The following DIAPH2 variants were observed in gnomAD, a reference collection of about 807,000 sequenced individuals.
DIAPH2 encodes diaphanous related formin 2, also known as protein diaphanous homolog 2.
In DIAPH2, 35 loss-of-function variants were observed where a neutral mutation model predicts 92.7. That is an observed-to-expected ratio of 0.38 (90% CI 0.29 to 0.50). The LOEUF is 0.50. DIAPH2 is among the 20% of genes least tolerant of loss of function. The pLI, the probability that DIAPH2 is intolerant of heterozygous loss-of-function variation, is 0.94. For synonymous variants in DIAPH2, 301 were observed against 280.4 expected (o/e 1.07, Z -0.73); for missense variants, 701 against 819.5 (o/e 0.86, Z 1.77).
intron 23 of DIAPH2, among the ~76,000 whole-genome samples, chrX:97,325,723 G>A (rs1332245151): frequency 2.7e-5 from 3 of 110,302 alleles, no homozygotes; most frequent in African/African-American, 6.6e-5. Context: ...GACTACAGGC[G>A]CCCGCCACCG....
At chrX:96,715,078 G>C (rs2063941860) in intron 1 of DIAPH2, among the ~76,000 whole-genome samples, 1 of 112,049 alleles carries the variant, frequency 8.9e-6, no homozygotes, top group African/African-American at 3.2e-5. Context: ...GACATTTCTT[G>C]ACTTCTCTTA....
At chrX:97,345,249 G>C (rs186557014) in intron 23 of DIAPH2, among the ~76,000 whole-genome samples, 1 of 111,719 alleles carries the variant, frequency 9.0e-6, no homozygotes, top group African/African-American at 3.2e-5. Flanking sequence ...AAATGGGCTT[G>C]AGGACTAAAA....
chrX:97,415,044 A>G (rs773296623), intron 25 of DIAPH2, among the ~76,000 whole-genome samples: 3 of 103,883 alleles, frequency 2.9e-5, no homozygotes, highest in Non-Finnish European at 5.9e-5. Context: ...TGGGCAAAGG[A>G]TATGAACAAA....
chrX:97,358,910 T>C (rs1217666118), intron 24 of DIAPH2, among the ~76,000 whole-genome samples: 2 of 112,240 alleles, frequency 1.8e-5, no homozygotes, highest in Admixed American at 1.9e-4. Flanking sequence ...AAAAGACTTC[T>C]GAAAATTTAA....
chrX:96,798,444 C>G (rs182139819), intron 4 of DIAPH2, among the ~76,000 whole-genome samples: 5 of 110,380 alleles, frequency 4.5e-5, no homozygotes, highest in African/African-American at 6.6e-5. Context: ...TTTCAGTTCT[C>G]GAGTCTCATT....
At chrX:97,181,496 C>T (rs1448247701) in intron 22 of DIAPH2, among the ~76,000 whole-genome samples, 1 of 111,975 alleles carries the variant, frequency 8.9e-6, no homozygotes, top group East Asian at 2.8e-4. Context: ...ACCGCAACCT[C>T]CGTCTCCCAG....
intron 26 of DIAPH2, among the ~76,000 whole-genome samples, chrX:97,471,226 G>A (rs930113600): frequency 9.0e-6 from 1 of 111,033 alleles, no homozygotes; most frequent in Non-Finnish European, 1.9e-5. Context: ...CTATAGCAGA[G>A]TTGGTTGTTA....
At chrX:96,775,092 A>G (rs2064367134) in intron 4 of DIAPH2, among the ~76,000 whole-genome samples, 1 of 111,028 alleles carries the variant, frequency 9.0e-6, no homozygotes, top group Non-Finnish European at 1.9e-5. Flanking sequence ...ATTGTAATTT[A>G]GGTCCCTTGC....
intron 12 of DIAPH2, among the ~76,000 whole-genome samples, chrX:96,940,029 A>T (rs1028766250): frequency 2.7e-5 from 3 of 109,702 alleles, no homozygotes; most frequent in African/African-American, 1.0e-4. Context: ...GCACTTGTAA[A>T]AATGGGGTAC....
chrX:97,122,049 T>C (rs1229486126), intron 21 of DIAPH2, among the ~76,000 whole-genome samples: 1 of 111,850 alleles, frequency 8.9e-6, no homozygotes, highest in African/African-American at 3.2e-5. Flanking sequence ...GTTTACAAAA[T>C]TGTGTAGCAC....
At chrX:97,429,880 G>A in intron 26 of DIAPH2, 135 bp downstream of exon 26, 1 of 570,464 alleles carries the variant, frequency 1.8e-6, no homozygotes, top group Non-Finnish European at 2.6e-6. Flanking sequence ...CTCAGCTCAT[G>A]TGTGAAATCT....
At chrX:97,510,433 C>T (rs926755708) in intron 26 of DIAPH2, among the ~76,000 whole-genome samples, 5 of 111,215 alleles carry the variant, frequency 4.5e-5, no homozygotes, top group Non-Finnish European at 7.5e-5. Flanking sequence ...GAGTAGATTG[C>T]GAAAATTTTC....
chrX:96,861,219 G>A (rs2065070531), intron 4 of DIAPH2, among the ~76,000 whole-genome samples: 1 of 110,826 alleles, frequency 9.0e-6, no homozygotes, highest in Non-Finnish European at 1.9e-5. Flanking sequence ...TTCCATTGGA[G>A]GTTAAAAAAA....
At chrX:97,588,209 C>T (rs1251493124) in intron 26 of DIAPH2, among the ~76,000 whole-genome samples, 2 of 112,086 alleles carry the variant, frequency 1.8e-5, no homozygotes, top group Non-Finnish European at 3.8e-5. Context: ...GTTCATTTTG[C>T]GAATGCATAA....
intron 7 of DIAPH2, among the ~76,000 whole-genome samples, chrX:96,915,791 A>G (rs1230787593): frequency 8.9e-6 from 1 of 111,950 alleles, no homozygotes; most frequent in African/African-American, 3.2e-5. Flanking sequence ...ACACGCATGC[A>G]CACACATATT....
intron 17 of DIAPH2, among the ~76,000 whole-genome samples, chrX:97,053,208 T>C (rs1426067195): frequency 8.9e-6 from 1 of 111,821 alleles, no homozygotes; most frequent in East Asian, 2.8e-4. Context: ...CTCAAGTTCA[T>C]CTGGGTTCAG....
chrX:96,699,388 A>T (rs1235574710), intron 1 of DIAPH2, among the ~76,000 whole-genome samples: 1 of 111,025 alleles, frequency 9.0e-6, no homozygotes, highest in Non-Finnish European at 1.9e-5. Context: ...TAGACCAGTG[A>T]TTTTCAGTGG....
chrX:97,206,269 T>TC (rs1050967200), intron 22 of DIAPH2, among the ~76,000 whole-genome samples: 3 of 111,509 alleles, frequency 2.7e-5, no homozygotes, highest in Non-Finnish European at 5.6e-5. Context: ...CATGTATACC[T>TC]ATGTGACAAA....
At chrX:97,115,561 G>C (rs1262043242) in intron 21 of DIAPH2, among the ~76,000 whole-genome samples, 1 of 110,902 alleles carries the variant, frequency 9.0e-6, no homozygotes, top group Non-Finnish European at 1.9e-5. Context: ...AAATAAAATA[G>C]ATGCAGTATT....
Sources: gnomAD v4.1 joint callset for allele counts (sites outside exome capture counted in the v4.1 genomes callset) on GRCh38, gnomAD v4.1.1 for gene constraint, MANE v1.5 for transcripts, NCBI Gene and HGNC (gene_info 2026-07-23, HGNC 2026-07-21) for gene names.